KIAA0825: variants seen among roughly 807,000 people sequenced by gnomAD.
KIAA0825 encodes the protein KIAA0825.
In KIAA0825, 119 loss-of-function variants were observed where a neutral mutation model predicts 147.6. That is an observed-to-expected ratio of 0.81 (90% CI 0.69 to 0.94). KIAA0825 has a LOEUF of 0.94. Among genes scored for constraint, KIAA0825 ranks in the 40% least tolerant of loss-of-function variants. The probability of loss-of-function intolerance (pLI) is 0.00; values close to 1 mark genes in which losing one functional copy is unlikely to be tolerated. For missense variants in KIAA0825, 1,381 were observed against 1,472.7 expected, an observed-to-expected ratio of 0.94 and a Z score of 1.02; for synonymous variants, 470 against 518.1, an observed-to-expected ratio of 0.91 and a Z score of 1.26.
Position 94,279,658 on chromosome 5 carries a change from C to T in KIAA0825, c.3710+104710G>A, listed in dbSNP as rs1239873764. Among the ~76,000 whole-genome samples, 4 of 152,008 alleles carry T rather than the reference C, an allele frequency of 2.6e-5. No individual in the cohort carries two copies. The East Asian group carries it at 5.8e-4, about 22-fold the overall frequency. Reference sequence around the variant, plus strand: ...CCTCACCTTTTCTTCTCCCTTCTTTCTTCCTTCCTTTCCATACTCTTCCCT... The same window carrying T: ...CCTCACCTTTTCTTCTCCCTTCTTTTTTCCTTCCTTTCCATACTCTTCCCT... On this transcript the variant is annotated intron_variant, in intron 20 of 20. Transcript: ENST00000682413.
In KIAA0825 at chr5:94,462,550, A is replaced by G; in HGVS notation, c.2083T>C (p.Leu695=). 1.3e-6 allele frequency: 2 copies of G among 1,506,290 alleles called. No homozygotes were observed. Among genetic ancestry groups the G allele is most frequent in the African/African-American group, 1.4e-5 (1 of 70,794 alleles). 93.3% of individuals were successfully genotyped at this position (1,506,290 alleles called of 1,614,324 possible). A position where few individuals can be genotyped will look rare whatever the true frequency, so the allele number is the denominator to read the frequency against. ...CATAACATGTTCTCAGTGCATATCAAAATTGTTGTGACATCAAGTCTGTTG... is the reference window on the plus strand; with the variant it reads ...CATAACATGTTCTCAGTGCATATCAGAATTGTTGTGACATCAAGTCTGTTG... ...PQLRLDVTTI[L]ICTENMLWSV... The change falls in exon 12 of 21, where the codon TTG becomes CTG. Residue 695 remains leucine (L), a synonymous_variant. Coordinates refer to ENST00000682413, the MANE Select transcript of KIAA0825 (RefSeq NM_001145678.3).
At chr5:94,486,778 T>A (rs540153753) in intron 5 of KIAA0825, among the ~76,000 whole-genome samples, 37 of 152,310 alleles carry the variant, frequency 2.4e-4, no homozygotes, top group Middle Eastern at 6.8e-3. Flanking sequence ...GATTCCCATT[T>A]GGTCTATTTG....
intron 20 of KIAA0825, among the ~76,000 whole-genome samples, chr5:94,232,461 T>C (rs188657663): frequency 5.3e-5 from 8 of 152,246 alleles, no homozygotes; most frequent in Non-Finnish European, 2.9e-5. Flanking sequence ...AGTTATGTTT[T>C]AATAAAGTCT....
At chr5:94,596,420 A>G (rs1246966430) in intron 1 of KIAA0825, among the ~76,000 whole-genome samples, 1 of 152,088 alleles carries the variant, frequency 6.6e-6, no homozygotes, top group Non-Finnish European at 1.5e-5. Flanking sequence ...TGGGCTCTCT[A>G]TCCTTCTCCA....
chr5:94,594,644 A>G (rs1223453494), intron 1 of KIAA0825: 2 of 629,512 alleles, frequency 3.2e-6, no homozygotes, highest in Non-Finnish European at 5.9e-6. Context: ...TAAAAGGAAA[A>G]TCTTCTATGA....
chr5:94,432,209 G>T (rs2150794101), intron 14 of KIAA0825, among the ~76,000 whole-genome samples: 1 of 152,228 alleles, frequency 6.6e-6, no homozygotes. Flanking sequence ...AGAGAAAGTT[G>T]CCTGGGAACC....
chr5:94,279,346 C>G (rs1484940544), intron 20 of KIAA0825, among the ~76,000 whole-genome samples: 1 of 151,988 alleles, frequency 6.6e-6, no homozygotes, highest in Non-Finnish European at 1.5e-5. Flanking sequence ...CTTGATTTTG[C>G]TCCTTTACTA....
At chr5:94,537,853 A>G (rs543072356) in intron 2 of KIAA0825, among the ~76,000 whole-genome samples, 2 of 152,224 alleles carry the variant, frequency 1.3e-5, no homozygotes, top group African/African-American at 4.8e-5. Context: ...GTAGCCTTAG[A>G]CTTTTTGAAG....
At chr5:94,600,608 G>A (rs1786223984) in intron 1 of KIAA0825, among the ~76,000 whole-genome samples, 1 of 151,888 alleles carries the variant, frequency 6.6e-6, no homozygotes, top group African/African-American at 2.4e-5. Flanking sequence ...CCTCTGTTAG[G>A]GTGCTGGTCA....
intron 20 of KIAA0825, among the ~76,000 whole-genome samples, chr5:94,174,082 AAATATTT>A (rs1366076774): frequency 6.6e-6 from 1 of 152,196 alleles, no homozygotes; most frequent in East Asian, 1.9e-4. Context: ...TTTCAACTTA[AAATATTT>A]AACATGAAAT....
At chr5:94,300,127 A>G (rs1214489779) in intron 20 of KIAA0825, among the ~76,000 whole-genome samples, 2 of 152,038 alleles carry the variant, frequency 1.3e-5, no homozygotes, top group African/African-American at 4.8e-5. Flanking sequence ...CAATTTATAC[A>G]TATTAGGAGA....
intron 20 of KIAA0825, among the ~76,000 whole-genome samples, chr5:94,155,098 C>T (rs1199934944): frequency 6.6e-6 from 1 of 152,120 alleles, no homozygotes; most frequent in Admixed American, 6.6e-5. Context: ...ACCAGAACCC[C>T]TCATTGTGTT....
At chr5:94,590,020 C>T (rs1784062687) in intron 1 of KIAA0825, among the ~76,000 whole-genome samples, 1 of 151,950 alleles carries the variant, frequency 6.6e-6, no homozygotes, top group African/African-American at 2.4e-5. Context: ...GACAGAGTCT[C>T]ACTCTGTCAC....
At chr5:94,357,201 A>G (rs1449275057) in intron 20 of KIAA0825, among the ~76,000 whole-genome samples, 1 of 152,146 alleles carries the variant, frequency 6.6e-6, no homozygotes, top group Non-Finnish European at 1.5e-5. Context: ...ACATTTCCTT[A>G]TGAATGAAAT....
intron 15 of KIAA0825, chr5:94,413,631 T>A (rs138349528): frequency 4.2e-4 from 64 of 152,058 alleles, no homozygotes; most frequent in African/African-American, 1.5e-3. Context: ...GGGCTGAGAG[T>A]TGAAAGGAGA....
At chr5:94,608,481 AT>A (rs1445478945) in intron 1 of KIAA0825, among the ~76,000 whole-genome samples, 2 of 41,334 alleles carry the variant, frequency 4.8e-5, no homozygotes, top group Non-Finnish European at 8.2e-5. Context: ...TATAATATAT[AT>A]ATATATATAA....
At chr5:94,497,759 C>A (rs188749296) in intron 5 of KIAA0825, among the ~76,000 whole-genome samples, 1 of 152,200 alleles carries the variant, frequency 6.6e-6, no homozygotes, top group Non-Finnish European at 1.5e-5. Flanking sequence ...TGTTAACACA[C>A]AGATTGCCAG....
chr5:94,474,273 T>C, intron 7 of KIAA0825, among the ~76,000 whole-genome samples: 1 of 152,200 alleles, frequency 6.6e-6, no homozygotes, highest in Admixed American at 6.5e-5. Context: ...GCAATATATT[T>C]ATGAATGTAT....
At chr5:94,156,189 G>A (rs58911596) in intron 20 of KIAA0825, among the ~76,000 whole-genome samples, 9 of 152,172 alleles carry the variant, frequency 5.9e-5, no homozygotes, top group Non-Finnish European at 1.3e-4. Flanking sequence ...ACTTGCCTGA[G>A]TATCTTTGTA....
Sources: gnomAD v4.1 joint callset for allele counts (sites outside exome capture counted in the v4.1 genomes callset) on GRCh38, gnomAD v4.1.1 for gene constraint, MANE v1.5 for transcripts, NCBI Gene and HGNC (gene_info 2026-07-23, HGNC 2026-07-21) for gene names.